PRPF39: variants seen among roughly 807,000 people sequenced by gnomAD.
PRPF39 encodes pre-mRNA processing factor 39.
A neutral mutation model predicts 82.1 loss-of-function variants in PRPF39; 27 were observed. The observed-to-expected ratio is 0.33, with a 90% CI of 0.24 to 0.45. PRPF39 has a LOEUF of 0.45. PRPF39 is among the 20% of genes least tolerant of loss of function. The pLI, the probability that PRPF39 is intolerant of heterozygous loss-of-function variation, is 1.00. For missense variants in PRPF39, 581 were observed against 796.9 expected, an observed-to-expected ratio of 0.73 and a Z score of 3.26; for synonymous variants, 261 against 256.4, an observed-to-expected ratio of 1.02 and a Z score of -0.17.
In PRPF39 at chr14:45,114,603, G is replaced by A. The variant is rs1429556237; in HGVS notation, c.1942G>A (p.Ala648Thr). Residue 648 changes from alanine (A) to threonine (T), a missense_variant, in exon 13 of 14, where the codon GCG becomes ACG. Physicochemically the swap from Ala to Thr is moderately conservative, Grantham distance 58 (BLOSUM62 0). Coordinates refer to ENST00000355765, the MANE Select transcript of PRPF39 (RefSeq NM_017922.4). The part of the protein sequence containing the change: ...QANQAVYNYS[A>T]WYQYNYQNPW... ...AAACCAAGCTGTATATAATTATAGT[G>A]CGTGGTATCAAGTGAGTCTGCATAA... 2 of 1,609,738 alleles carry A rather than the reference G, an allele frequency of 1.2e-6. No homozygotes were observed. Among genetic ancestry groups the A allele is most frequent in the Non-Finnish European group, 1.7e-6 (2 of 1,178,340 alleles).
Position 45,096,149 on chromosome 14 carries a change from A to G in PRPF39, c.371A>G (p.His124Arg), listed in dbSNP as rs1884194794. ...ARKAFDRFFI[H>R]YPYCYGYWKK... ...AAGGCATTTGACAGATTTTTCATACACTATCCGTATTGCTATGGTTACTGG... is the reference window on the plus strand; with the variant it reads ...AAGGCATTTGACAGATTTTTCATACGCTATCCGTATTGCTATGGTTACTGG... Residue 124 changes from histidine to arginine, a missense_variant, in exon 3 of 14, where the codon CAC (histidine) becomes CGC (arginine). Transcript: ENST00000355765. The G allele has an allele frequency of 1.3e-6, 2 of 1,586,144 alleles. No homozygotes were observed. The highest frequency in any genetic ancestry group is 1.3e-5 in the African/African-American group (1 of 74,486).
At chr14:45,091,638 T>G (rs1422680841) in intron 1 of PRPF39, among the ~76,000 whole-genome samples, 1 of 152,048 alleles carries the variant, frequency 6.6e-6, no homozygotes, top group East Asian at 1.9e-4. Flanking sequence ...AGAAAAAAAT[T>G]AGTAATGAAC....
rs1374038737 is a variant in PRPF39 at position 45,115,866 on chromosome 14, C to T, written c.*953C>T. On this transcript the variant is annotated 3_prime_UTR_variant, in exon 14 of 14. Coordinates refer to ENST00000355765, the MANE Select transcript of PRPF39 (RefSeq NM_017922.4). ...CTTAGTTCCAATTCCCTAATCAGAACAATAATATATTAACACCAAACAAAT... is the reference window on the plus strand; with the variant it reads ...CTTAGTTCCAATTCCCTAATCAGAATAATAATATATTAACACCAAACAAAT... 4.9e-6 allele frequency: 1 copy of T among 205,484 alleles called. No individual in the cohort carries two copies. The highest frequency in any genetic ancestry group is 1.0e-5 in the Non-Finnish European group (1 of 99,308). The allele number at this position is 205,484 out of a possible 1,614,324, so 12.7% of individuals were successfully genotyped here.
intron 7 of PRPF39, among the ~76,000 whole-genome samples, 179 bp from the exon 8 acceptor site, chr14:45,109,432 TATTTC>T (rs1391625798): frequency 1.3e-5 from 2 of 149,920 alleles, no homozygotes; most frequent in South Asian, 2.1e-4. Flanking sequence ...GAAAATGTAT[TATTTC>T]ATTTGTTTGT....
Position 45,109,659 on chromosome 14 carries a change from A to T in PRPF39, c.1055A>T (p.Gln352Leu), listed in dbSNP as rs779782123. ...YFHVKPLEKAQLKNWKEYLEF... is the reference protein window; with the variant it reads ...YFHVKPLEKALLKNWKEYLEF... ...CATGTGAAACCTTTGGAAAAGGCAC[A>T]ACTAAAAAACTGGAAAGAATACTTA... The change falls in exon 8 of 14, where the codon CAA (glutamine) becomes CTA (leucine). Residue 352 changes from glutamine to leucine, a missense_variant. Physicochemically the swap from Gln to Leu is moderately radical, Grantham distance 113 (BLOSUM62 -2). Coordinates refer to ENST00000355765, the MANE Select transcript of PRPF39 (RefSeq NM_017922.4). 5 of 1,607,790 alleles carry T rather than the reference A, an allele frequency of 3.1e-6. No individual in the cohort carries two copies. In the Admixed American group the frequency reaches 6.8e-5, roughly 22 times the overall value.
Position 45,110,346 on chromosome 14 carries a change from T to G in PRPF39, c.1303+126T>G, listed in dbSNP as rs928880867. 8.8e-6 allele frequency: 12 copies of G among 1,359,264 alleles called. No individual in the cohort carries two copies. In the East Asian group the frequency reaches 1.8e-4, roughly 20 times the overall value. The allele number at this position is 1,359,264 out of a possible 1,614,324, so 84.2% of individuals were successfully genotyped here. A position where few individuals can be genotyped will look rare whatever the true frequency, so the allele number is the denominator to read the frequency against. On this transcript the variant is annotated intron_variant, in intron 9 of 13. Coordinates refer to ENST00000355765, the MANE Select transcript of PRPF39 (RefSeq NM_017922.4). The surrounding 1 kb of genome is among the most constrained non-coding windows in gnomAD (Gnocchi z 4.0). ...CAAACTTTTTCTCTAAAGGGCCAGA[T>G]AGTAAAAGCCACGTGTTCTGACTTT...
intron 1 of PRPF39, among the ~76,000 whole-genome samples, chr14:45,091,816 A>G (rs1450794109): frequency 3.3e-5 from 5 of 152,244 alleles, no homozygotes; most frequent in Non-Finnish European, 7.3e-5. Context: ...AGCAATGGAC[A>G]GTCTCATGCA....
chr14:45,096,237 A>G lies in PRPF39; in HGVS notation c.450+9A>G, dbSNP rs1188431839. 4 of 1,584,374 alleles carry G rather than the reference A, an allele frequency of 2.5e-6. No individual in the cohort carries two copies. The highest frequency in any genetic ancestry group is 2.6e-6 in the Non-Finnish European group (3 of 1,165,090). On this transcript the variant is annotated intron_variant, in intron 3 of 13. Coordinates refer to ENST00000355765, the MANE Select transcript of PRPF39 (RefSeq NM_017922.4). ...TTAAACCATCAGATGAGGTGCGTAC[A>G]TCACTGAATAAACTTATCTCCAATA...
chr14:45,086,186 C>T (rs1446621914), intron 1 of PRPF39, among the ~76,000 whole-genome samples: 1 of 152,152 alleles, frequency 6.6e-6, no homozygotes, highest in East Asian at 1.9e-4. Flanking sequence ...GGTGATCTGC[C>T]TGCCTCGGCC....
intron 1 of PRPF39, among the ~76,000 whole-genome samples, chr14:45,087,912 A>C (rs1883894002): frequency 6.6e-6 from 1 of 151,992 alleles, no homozygotes; most frequent in Admixed American, 6.6e-5. Flanking sequence ...TGGCCTCTAA[A>C]ACCCAAGTAC....
intron 5 of PRPF39, among the ~76,000 whole-genome samples, chr14:45,105,174 A>G (rs1884488350): frequency 6.6e-6 from 1 of 152,212 alleles, no homozygotes; most frequent in African/African-American, 2.4e-5. Flanking sequence ...TATAATACAA[A>G]AAACTGCTGA....
intron 4 of PRPF39, among the ~76,000 whole-genome samples, chr14:45,098,563 C>G (rs1228284616): frequency 6.6e-6 from 1 of 151,694 alleles, no homozygotes; most frequent in Non-Finnish European, 1.5e-5. Context: ...CCTCATTTTT[C>G]CCGTTTGTCT....
chr14:45,110,665 G>A lies in PRPF39; in HGVS notation c.1420G>A (p.Ala474Thr). 1 of 1,576,860 alleles carries A rather than the reference G, an allele frequency of 6.3e-7. No homozygotes were observed. The highest frequency in any genetic ancestry group is 8.6e-7 in the Non-Finnish European group (1 of 1,159,876). The change falls in exon 10 of 14, where the codon GCT becomes ACT. Residue 474 changes from alanine (A) to threonine (T), a missense_variant. Physicochemically the swap from Ala to Thr is moderately conservative, Grantham distance 58 (BLOSUM62 0). Coordinates refer to ENST00000355765, the MANE Select transcript of PRPF39 (RefSeq NM_017922.4). The surrounding 1 kb of genome is among the most constrained non-coding windows in gnomAD (Gnocchi z 4.0). ...LERRHGNLEE[A>T]EHLLQDAIKN... ...ACGACGGCATGGAAATCTGGAAGAA[G>A]CTGAACATTTGCTTCAGGATGCCAT...
rs1014436551 is a variant in PRPF39, at chr14:45,110,418, G to A, written c.1304-131G>A. 4 of 1,210,804 alleles carry A rather than the reference G, an allele frequency of 3.3e-6. No individual in the cohort carries two copies. Among genetic ancestry groups the A allele is most frequent in the African/African-American group, 3.1e-5 (2 of 64,972 alleles). 75.0% of individuals were successfully genotyped at this position (1,210,804 alleles called of 1,614,324 possible). A position where few individuals can be genotyped will look rare whatever the true frequency, so the allele number is the denominator to read the frequency against. ...GCCCCGAAACAGCCATAGGCAGTGT[G>A]TAAATATGCATGGCTGTTTCCCATT... is the stretch of plus-strand genomic sequence containing the variant. On this transcript the variant is annotated intron_variant, in intron 9 of 13. Coordinates refer to ENST00000355765, the MANE Select transcript of PRPF39 (RefSeq NM_017922.4). The surrounding 1 kb of genome is among the most constrained non-coding windows in gnomAD (Gnocchi z 4.0).
intron 10 of PRPF39, 128 bp from the exon 11 acceptor site, chr14:45,112,190 C>T (rs1884717802): frequency 2.4e-6 from 2 of 840,032 alleles, no homozygotes; most frequent in African/African-American, 1.8e-5. Flanking sequence ...AAACATTTAG[C>T]ATGAGTTGTA....
intron 4 of PRPF39, 140 bp from the exon 5 acceptor site, chr14:45,102,389 G>C: frequency 3.2e-6 from 2 of 619,428 alleles, no homozygotes; most frequent in Non-Finnish European, 5.2e-6. Flanking sequence ...CTGTTATTCT[G>C]TCTACCCTTT....
chr14:45,086,067 C>T (rs1883818910), intron 1 of PRPF39, among the ~76,000 whole-genome samples: 1 of 152,136 alleles, frequency 6.6e-6, no homozygotes, highest in Non-Finnish European at 1.5e-5. Flanking sequence ...CCTCAGCCTC[C>T]CCAGTAGCTG....
intron 6 of PRPF39, 124 bp from the exon 7 acceptor site, chr14:45,108,290 GT>G (rs1884601207): frequency 1.8e-6 from 2 of 1,142,234 alleles, no homozygotes; most frequent in Non-Finnish European, 2.3e-6. Flanking sequence ...ATTGCCAACA[GT>G]TAAAAATCTA....
At chr14:45,087,726 A>C (rs889134370) in intron 1 of PRPF39, among the ~76,000 whole-genome samples, 7 of 146,424 alleles carry the variant, frequency 4.8e-5, no homozygotes, top group Non-Finnish European at 7.4e-5. Context: ...GGCGCCCGTC[A>C]CCATGCCCGG....
Sources: allele counts gnomAD v4.1 joint callset (sites outside exome capture counted in the v4.1 genomes callset), GRCh38; gene constraint gnomAD v4.1.1; non-coding constraint Gnocchi (gnomAD v3.1); transcripts MANE v1.5; gene names NCBI Gene and HGNC (gene_info 2026-07-23, HGNC 2026-07-21).